The following CHODL variants were observed in gnomAD, a reference collection of about 807,000 sequenced individuals.
CHODL encodes the protein chondrolectin, also known as transmembrane protein MT75.
CHODL carries 29 observed loss-of-function variants against 34.5 expected under a neutral mutation model. The ratio of observed to expected loss-of-function variants is 0.84; its 90% CI spans 0.63 to 1.15. The LOEUF (loss-of-function observed/expected upper bound fraction) is 1.15. Ranked by LOEUF, CHODL falls within the 50% of genes most tolerant of loss-of-function variation. CHODL has a pLI of 0.00. For missense variants in CHODL, 332 were observed against 332.5 expected, an observed-to-expected ratio of 1.00 and a Z score of 0.01; for synonymous variants, 125 against 116.1, an observed-to-expected ratio of 1.08 and a Z score of -0.49.
chr21:18,085,641 G>A (rs1316323701), intron 2 of CHODL, among the ~76,000 whole-genome samples: 5 of 152,072 alleles, frequency 3.3e-5, no homozygotes, highest in African/African-American at 7.2e-5. Flanking sequence ...GCAATTCTTG[G>A]TGGACAGTTT....
intron 2 of CHODL, among the ~76,000 whole-genome samples, chr21:18,193,948 A>G (rs1252385299): frequency 6.6e-6 from 1 of 151,990 alleles, no homozygotes; most frequent in Non-Finnish European, 1.5e-5. Flanking sequence ...TTCAATTTTC[A>G]GTTTGAAATG....
chr21:18,098,270 G>A (rs961797856), intron 2 of CHODL, among the ~76,000 whole-genome samples: 4 of 151,590 alleles, frequency 2.6e-5, no homozygotes, highest in African/African-American at 9.7e-5. Context: ...AAAGTGAAGA[G>A]ACAACCCACA....
upstream of CHODL, among the ~76,000 whole-genome samples, chr21:18,239,946 G>A (rs1221296423): frequency 6.6e-6 from 1 of 151,940 alleles, no homozygotes; most frequent in Non-Finnish European, 1.5e-5. Flanking sequence ...GAAAGAGGGA[G>A]GGAGGAAGGG....
chr21:18,168,720 G>T (rs931361223), intron 2 of CHODL, among the ~76,000 whole-genome samples: 1 of 152,030 alleles, frequency 6.6e-6, no homozygotes, highest in African/African-American at 2.4e-5. Context: ...CATTACATGG[G>T]TTGTCTTTTG....
intron 2 of CHODL, among the ~76,000 whole-genome samples, chr21:18,060,581 C>G (rs1275164405): frequency 6.6e-6 from 1 of 151,712 alleles, no homozygotes; most frequent in East Asian, 1.9e-4. Context: ...CAAGGCATGG[C>G]AGCTGAATTC....
At chr21:18,055,134 C>T (rs567578727) in intron 2 of CHODL, among the ~76,000 whole-genome samples, 23 of 152,044 alleles carry the variant, frequency 1.5e-4, no homozygotes, top group Non-Finnish European at 2.8e-4. Context: ...TCCTTCCCAT[C>T]CTTCCATTTT....
chr21:18,050,229 G>A (rs2064496718), intron 2 of CHODL, among the ~76,000 whole-genome samples: 1 of 151,902 alleles, frequency 6.6e-6, no homozygotes, highest in Non-Finnish European at 1.5e-5. Flanking sequence ...AAAACTGGAA[G>A]AAAGGGAGGC....
At position 18,210,082 on chromosome 21, in the gene CHODL, A is replaced by G. The variant is rs550843458; in HGVS notation, c.-44-46427A>G. 7.2e-4 allele frequency among the ~76,000 whole-genome samples: 109 copies of G among 152,226 alleles called. 1 individual carries two copies. The highest frequency in any genetic ancestry group is 2.6e-3 in the African/African-American group (107 of 41,538). ...CTTGCCAGGAATTACAGTCCTTGTGAACTATACTGCCTTTCAAGTTTATTT... is the reference window on the plus strand; with the variant it reads ...CTTGCCAGGAATTACAGTCCTTGTGGACTATACTGCCTTTCAAGTTTATTT... On this transcript the variant is annotated intron_variant, in intron 2 of 6. Coordinates refer to the CHODL transcript ENST00000400127.
intron 2 of CHODL, among the ~76,000 whole-genome samples, chr21:18,215,892 T>C (rs1228732897): frequency 2.6e-5 from 4 of 152,160 alleles, no homozygotes; most frequent in Non-Finnish European, 5.9e-5. Flanking sequence ...GAGGATACAG[T>C]GACATTTTTA....
At chr21:17,919,033 A>T (rs563262980) in intron 1 of CHODL, among the ~76,000 whole-genome samples, 100 of 152,348 alleles carry the variant, frequency 6.6e-4, no homozygotes, top group Non-Finnish European at 1.3e-3. Flanking sequence ...GTGGGCTCCC[A>T]TCCCCTTGGG....
intron 2 of CHODL, among the ~76,000 whole-genome samples, chr21:18,145,617 T>C (rs558018076): frequency 2.3e-4 from 35 of 152,188 alleles, no homozygotes; most frequent in Middle Eastern, 3.4e-3. Context: ...TCGGGGTCAA[T>C]GTGTTCAAGA....
chr21:18,175,835 C>G (rs991123787), intron 2 of CHODL, among the ~76,000 whole-genome samples: 1 of 148,118 alleles, frequency 6.8e-6, no homozygotes, highest in Admixed American at 6.8e-5. Flanking sequence ...GAGTGGCTGG[C>G]AAAGGATTCT....
intron 1 of CHODL, among the ~76,000 whole-genome samples, chr21:17,990,604 G>C (rs2063789523): frequency 6.6e-6 from 1 of 152,042 alleles, no homozygotes; most frequent in South Asian, 2.1e-4. Context: ...TAAATACAAA[G>C]TTGAGCATTA....
chr21:18,174,086 A>G (rs1190859804), intron 2 of CHODL, among the ~76,000 whole-genome samples: 1 of 59,390 alleles, frequency 1.7e-5, no homozygotes, highest in Non-Finnish European at 5.5e-5. Flanking sequence ...GTAGAAGGGG[A>G]AACAAATACA....
intron 1 of CHODL, among the ~76,000 whole-genome samples, chr21:17,983,576 G>T (rs192168569): frequency 6.6e-6 from 1 of 152,088 alleles, no homozygotes; most frequent in Non-Finnish European, 1.5e-5. Flanking sequence ...TAATCAGGTA[G>T]TCAAAACATA....
chr21:17,971,467 C>G (rs1291177407), intron 1 of CHODL, among the ~76,000 whole-genome samples: 1 of 152,168 alleles, frequency 6.6e-6, no homozygotes, highest in East Asian at 1.9e-4. Flanking sequence ...TTTTGTATTG[C>G]ATTTCTCTAA....
At chr21:18,026,341 G>A (rs949224249) in intron 1 of CHODL, among the ~76,000 whole-genome samples, 1 of 152,088 alleles carries the variant, frequency 6.6e-6, no homozygotes, top group Non-Finnish European at 1.5e-5. Flanking sequence ...GGTAAAGCCT[G>A]TAATTAGAAA....
intron 1 of CHODL, among the ~76,000 whole-genome samples, chr21:17,998,461 G>A (rs555332452): frequency 1.3e-5 from 2 of 152,336 alleles, no homozygotes; most frequent in African/African-American, 2.4e-5. Context: ...GCCCCAGTAG[G>A]GAACCTGTGT....
Position 18,249,136 on chromosome 21 carries a change from A to AAT in CHODL, c.79+3848_79+3849dup, listed in dbSNP as rs1246825482. Among the ~76,000 whole-genome samples the AAT allele has an allele frequency of 7.3e-3, 982 of 134,222 alleles. 3 individuals carry two copies. Among genetic ancestry groups the AAT allele is most frequent in the Admixed American group, 0.021 (244 of 11,872 alleles). The allele number at this position is 134,222 out of a possible 152,430, so 88.1% of individuals were successfully genotyped here. ...ATATATAATAAAATACATATATAATAATATATATATATATAAAGGAGTCCA... is the reference window on the plus strand; with the variant it reads ...ATATATAATAAAATACATATATAATAATATATATATATATATAAAGGAGTCCA... On this transcript the variant is annotated intron_variant, in intron 1 of 5. Coordinates refer to ENST00000299295, the MANE Select transcript of CHODL (RefSeq NM_024944.3).
Sources: gnomAD v4.1 joint callset for allele counts (sites outside exome capture counted in the v4.1 genomes callset) on GRCh38, gnomAD v4.1.1 for gene constraint, MANE v1.5 for transcripts, NCBI Gene and HGNC (gene_info 2026-07-23, HGNC 2026-07-21) for gene names.